PTPRD: variants seen among roughly 807,000 people sequenced by gnomAD.
PTPRD encodes the protein protein tyrosine phosphatase receptor type D, also known as receptor-type tyrosine-protein phosphatase delta.
In PTPRD, 34 loss-of-function variants were observed where a neutral mutation model predicts 214.5. The ratio of observed to expected loss-of-function variants is 0.16; its 90% CI spans 0.12 to 0.21. The LOEUF (loss-of-function observed/expected upper bound fraction) is 0.21, where lower values mean the gene tolerates loss of function less well. Ranked by LOEUF, PTPRD falls within the 10% of genes least tolerant of loss-of-function variation. PTPRD has a pLI of 1.00. For synonymous variants in PTPRD, 1,128 were observed against 845.7 expected, an observed-to-expected ratio of 1.33 and a Z score of -5.79; for missense variants, 2,545 against 2,398.7, an observed-to-expected ratio of 1.06 and a Z score of -1.27.
intron 4 of PTPRD, among the ~76,000 whole-genome samples, chr9:9,981,450 G>A (rs1215134232): frequency 2.0e-5 from 3 of 151,016 alleles, no homozygotes; most frequent in Non-Finnish European, 4.4e-5. Context: ...CACCTCCAGG[G>A]TTCAAGCCAT....
intron 9 of PTPRD, among the ~76,000 whole-genome samples, chr9:9,202,987 C>A (rs1172930906): frequency 6.6e-6 from 1 of 152,156 alleles, no homozygotes; most frequent in Non-Finnish European, 1.5e-5. Flanking sequence ...TTGATTCTCA[C>A]ATCAACCGTC....
In PTPRD at chr9:8,699,629, G is replaced by A. The variant is rs114823822; in HGVS notation, c.64+34151C>T. On this transcript the variant is annotated intron_variant, in intron 12 of 45. Transcript: ENST00000381196. ...ACTTGGTTGGGCCAGTAACTTTCAT[G>A]AATATAATTTCATATACCAATATGA... 4.4e-3 allele frequency among the ~76,000 whole-genome samples: 671 copies of A among 152,232 alleles called. 8 individuals are homozygous for A. The highest frequency in any genetic ancestry group is 0.015 in the African/African-American group (641 of 41,544).
intron 11 of PTPRD, among the ~76,000 whole-genome samples, chr9:8,853,240 C>A (rs1200482880): frequency 2.6e-5 from 4 of 152,112 alleles, no homozygotes; most frequent in African/African-American, 4.8e-5. Flanking sequence ...ACTGCTGTAA[C>A]ATATAAGCAT....
rs779148089 is a variant in PTPRD at position 8,945,519 on chromosome 9, C to T, written c.-104+73178G>A. On this transcript the variant is annotated intron_variant, in intron 11 of 45. Transcript: ENST00000381196. ...ATTCATCTTGCTCGCTAGAATCCTC[C>T]TAAAGCATTCCATAAAGATACTCCT... Among the ~76,000 whole-genome samples, 116 of 152,106 alleles carry T rather than the reference C, an allele frequency of 7.6e-4. 1 individual carries two copies. The highest frequency in any genetic ancestry group is 1.5e-3 in the Non-Finnish European group (104 of 67,974).
intron 26 of PTPRD, among the ~76,000 whole-genome samples, chr9:8,497,002 G>A (rs765894197): frequency 1.3e-5 from 2 of 152,144 alleles, no homozygotes; most frequent in Non-Finnish European, 2.9e-5. Context: ...GTTAGTAGCA[G>A]CCATCAAAAC....
At chr9:8,617,325 A>G (rs540462528) in intron 14 of PTPRD, among the ~76,000 whole-genome samples, 3 of 152,126 alleles carry the variant, frequency 2.0e-5, no homozygotes, top group Non-Finnish European at 2.9e-5. Context: ...CACCCATATT[A>G]TGATCTGAGA....
At chr9:8,558,181 A>G (rs1382505955) in intron 14 of PTPRD, among the ~76,000 whole-genome samples, 3 of 152,218 alleles carry the variant, frequency 2.0e-5, no homozygotes, top group African/African-American at 7.2e-5. Flanking sequence ...TAAACTTTAA[A>G]TGAATACTCA....
Position 10,533,977 on chromosome 9 carries a change from TTTTA to T in PTPRD, c.-600+78417_-600+78420del, listed in dbSNP as rs1366546443. On this transcript the variant is annotated intron_variant, in intron 2 of 45. Transcript: ENST00000381196. ...TAGCCTATTTTTTTCTAAGGGAATA[TTTTA>T]TTTATTAATAAATATAAAATATTTG... Among the ~76,000 whole-genome samples, 3 of 151,518 alleles carry T rather than the reference TTTTA, an allele frequency of 2.0e-5. No homozygotes were observed. The East Asian group carries it at 5.8e-4, about 29-fold the overall frequency.
intron 10 of PTPRD, among the ~76,000 whole-genome samples, chr9:9,022,112 C>T (rs2099572011): frequency 6.6e-6 from 1 of 151,382 alleles, no homozygotes; most frequent in South Asian, 2.1e-4. Context: ...GCACATTCTG[C>T]ACATGTATCC....
intron 7 of PTPRD, among the ~76,000 whole-genome samples, chr9:9,602,279 A>C (rs1190064507): frequency 6.6e-6 from 1 of 152,094 alleles, no homozygotes; most frequent in Non-Finnish European, 1.5e-5. Flanking sequence ...CAAATGATTT[A>C]GGCATTTTAG....
chr9:10,264,794 G>A (rs2093942322), intron 3 of PTPRD, among the ~76,000 whole-genome samples: 1 of 152,060 alleles, frequency 6.6e-6, no homozygotes, highest in Non-Finnish European at 1.5e-5. Context: ...GTTTTGCTGT[G>A]TTCCCACCCA....
intron 10 of PTPRD, among the ~76,000 whole-genome samples, chr9:9,056,194 T>A (rs555173970): frequency 1.3e-5 from 2 of 152,294 alleles, no homozygotes; most frequent in South Asian, 4.1e-4. Flanking sequence ...TACCACTGCA[T>A]TGACTACAGG....
chr9:9,947,280 G>T (rs1197480152), intron 4 of PTPRD, among the ~76,000 whole-genome samples: 2 of 102,896 alleles, frequency 1.9e-5, no homozygotes, highest in African/African-American at 3.8e-5. Flanking sequence ...TACTTAACAT[G>T]TGCTCTGGAG....
At position 9,800,315 on chromosome 9, in the gene PTPRD, C is replaced by T. The variant is rs376717786; in HGVS notation, c.-367-33464G>A. ...GAGTCACTGTGCTCCATCCTGGGGA[C>T]AGAGCAAGATCTTGTCTCTAAAAAA... On this transcript the variant is annotated intron_variant, in intron 5 of 45. Coordinates refer to ENST00000381196, the MANE Select transcript of PTPRD (RefSeq NM_002839.4). 2.2e-4 allele frequency among the ~76,000 whole-genome samples: 33 copies of T among 152,164 alleles called. 1 individual carries two copies. The South Asian group carries it at 6.2e-3, about 29-fold the overall frequency.
At position 9,467,931 on chromosome 9, in the gene PTPRD, T is replaced by C. The variant is rs567463257; in HGVS notation, c.-236-70449A>G. Among the ~76,000 whole-genome samples, 79 of 152,268 alleles carry C rather than the reference T, an allele frequency of 5.2e-4. 1 individual carries two copies. Among genetic ancestry groups the C allele is most frequent in the Middle Eastern group, 3.4e-3 (1 of 294 alleles). Reference sequence around the variant, plus strand: ...TTAACTTAAGATTTTGCACACATGTTCATAAGACAGGTTAGCCTACACATT... The same window carrying C: ...TTAACTTAAGATTTTGCACACATGTCCATAAGACAGGTTAGCCTACACATT... On this transcript the variant is annotated intron_variant, in intron 8 of 45. Coordinates refer to ENST00000381196, the MANE Select transcript of PTPRD (RefSeq NM_002839.4).
At chr9:8,837,881 AAAG>A (rs1247524155) in intron 11 of PTPRD, among the ~76,000 whole-genome samples, 1 of 152,052 alleles carries the variant, frequency 6.6e-6, no homozygotes, top group Non-Finnish European at 1.5e-5. Flanking sequence ...TTATAAGAGA[AAAG>A]AAGAGATTTC....
At chr9:9,981,425 G>T (rs772452005) in intron 4 of PTPRD, among the ~76,000 whole-genome samples, 8 of 149,132 alleles carry the variant, frequency 5.4e-5, no homozygotes, top group Non-Finnish European at 1.0e-4. Flanking sequence ...CACGATCTCG[G>T]CTCAGTGCAA....
chr9:9,520,692 G>A (rs2096949939), intron 8 of PTPRD, among the ~76,000 whole-genome samples: 1 of 152,112 alleles, frequency 6.6e-6, no homozygotes, highest in South Asian at 2.1e-4. Context: ...TTGGCAGCTG[G>A]AGAAACCTTT....
At chr9:9,527,303 G>A (rs1023391181) in intron 8 of PTPRD, among the ~76,000 whole-genome samples, 1 of 152,122 alleles carries the variant, frequency 6.6e-6, no homozygotes, top group Non-Finnish European at 1.5e-5. Flanking sequence ...CTAAAGCAAG[G>A]TGTATTTTGT....
Sources: gnomAD v4.1 joint callset for allele counts (sites outside exome capture counted in the v4.1 genomes callset) on GRCh38, gnomAD v4.1.1 for gene constraint, MANE v1.5 for transcripts, NCBI Gene and HGNC (gene_info 2026-07-23, HGNC 2026-07-21) for gene names.